The following SKAP1 variants were observed in gnomAD, a reference collection of about 807,000 sequenced individuals.
The protein encoded by SKAP1 is src kinase associated phosphoprotein 1, also known as src kinase-associated phosphoprotein 1.
Under a neutral mutation model 58.5 loss-of-function variants are expected in SKAP1, and 44 were observed. That is an observed-to-expected ratio of 0.75 (90% CI 0.59 to 0.97). The LOEUF (loss-of-function observed/expected upper bound fraction) is 0.97, where lower values mean the gene tolerates loss of function less well. SKAP1 is among the 50% of genes least tolerant of loss of function. SKAP1 has a pLI of 0.00. For synonymous variants in SKAP1, 127 were observed against 149.7 expected (o/e 0.85, Z 1.11); for missense variants, 390 against 435.2 (o/e 0.90, Z 0.92).
At chr17:48,406,429 G>T (rs1243876851) in intron 1 of SKAP1, among the ~76,000 whole-genome samples, 1 of 149,454 alleles carries the variant, frequency 6.7e-6, no homozygotes, top group African/African-American at 2.5e-5. Flanking sequence ...TTTGAGACAG[G>T]GTCTTGCCTT....
intron 11 of SKAP1, among the ~76,000 whole-genome samples, chr17:48,152,728 G>A (rs2063917239): frequency 1.3e-5 from 2 of 152,216 alleles, no homozygotes; most frequent in Non-Finnish European, 2.9e-5. Flanking sequence ...ACTCAGTGAT[G>A]AATATGGTTT....
rs142705957 is a variant in SKAP1, at chr17:48,364,111, G to A, written c.153-297C>T. Among the ~76,000 whole-genome samples the A allele has an allele frequency of 5.1e-4, 77 of 152,274 alleles. 1 individual carries two copies. Among genetic ancestry groups the A allele is most frequent in the Admixed American group, 1.3e-3 (20 of 15,282 alleles). Reference sequence around the variant, plus strand: ...TGGGGTTTCTCATCAAGAGCTCTACGGGCTTTCAGCAGGATGGTTCTTTGT... The same window carrying A: ...TGGGGTTTCTCATCAAGAGCTCTACAGGCTTTCAGCAGGATGGTTCTTTGT... On this transcript the variant is annotated intron_variant, in intron 2 of 12. Coordinates refer to ENST00000336915, the MANE Select transcript of SKAP1 (RefSeq NM_003726.4).
rs966771076 is a variant in SKAP1, at chr17:48,388,497, G to T, written c.152+8183C>A. On this transcript the variant is annotated intron_variant, in intron 2 of 12. Transcript: ENST00000336915. ...TTATATTATGAAAATTTTCAACTTTGCACAAAAGTTGAAAGAACACACATG... is the reference window on the plus strand; with the variant it reads ...TTATATTATGAAAATTTTCAACTTTTCACAAAAGTTGAAAGAACACACATG... 2.0e-5 allele frequency among the ~76,000 whole-genome samples: 3 copies of T among 152,082 alleles called. No homozygotes were observed. In the East Asian group the frequency reaches 5.8e-4, roughly 29 times the overall value.
intron 2 of SKAP1, among the ~76,000 whole-genome samples, chr17:48,386,838 T>C (rs561316382): frequency 1.1e-4 from 16 of 152,208 alleles, no homozygotes; most frequent in Admixed American, 3.3e-4. Flanking sequence ...CTATCTCATG[T>C]GATTAAATAC....
chr17:48,348,907 T>C (rs187094678), intron 3 of SKAP1, among the ~76,000 whole-genome samples: 2 of 152,326 alleles, frequency 1.3e-5, no homozygotes, highest in Admixed American at 6.5e-5. Flanking sequence ...TACAACTCAA[T>C]GCAGCAAAAC....
chr17:48,231,648 A>T (rs1360531831), intron 4 of SKAP1, among the ~76,000 whole-genome samples: 1 of 152,094 alleles, frequency 6.6e-6, no homozygotes, highest in African/African-American at 2.4e-5. Flanking sequence ...GAGTACTAGG[A>T]CCCACAAGCT....
rs2066805521 is a variant in SKAP1 at position 48,351,806 on chromosome 17, C to A, written c.179-5800G>T. 2.0e-5 allele frequency among the ~76,000 whole-genome samples: 3 copies of A among 152,232 alleles called. No individual in the cohort carries two copies. The South Asian group carries it at 6.2e-4, about 32-fold the overall frequency. On this transcript the variant is annotated intron_variant, in intron 3 of 12. Transcript: ENST00000336915. ...CACAAATGGAGCCAAATTGATTAGA[C>A]ACTCTTAGTATAATCACTATAACAA...
intron 3 of SKAP1, among the ~76,000 whole-genome samples, chr17:48,346,496 C>T (rs1037645729): frequency 1.3e-5 from 2 of 151,678 alleles, no homozygotes; most frequent in Middle Eastern, 3.2e-3. Context: ...TGGTGGTGGG[C>T]GCCTGTAATC....
chr17:48,146,551 C>T (rs1296957597), intron 11 of SKAP1, among the ~76,000 whole-genome samples: 5 of 151,472 alleles, frequency 3.3e-5, no homozygotes, highest in African/African-American at 1.2e-4. Context: ...TGCTGGATTT[C>T]ATGGGCTTCA....
intron 4 of SKAP1, among the ~76,000 whole-genome samples, chr17:48,201,020 T>C (rs890204267): frequency 2.0e-5 from 3 of 152,136 alleles, no homozygotes; most frequent in Non-Finnish European, 4.4e-5. Flanking sequence ...TTCGCTTAAG[T>C]CACAAACAGT....
At position 48,363,827 on chromosome 17, in the gene SKAP1, G is replaced by C; in HGVS notation, c.153-13C>G. ...ATCCCAATAGTACCTGAAATACAAG[G>C]GGGAAAAAAAAAGGGAATAAGTCAA... is the stretch of plus-strand genomic sequence containing the variant. On this transcript the variant is annotated splice_polypyrimidine_tract_variant and intron_variant, in intron 2 of 12. Transcript: ENST00000336915. The C allele has an allele frequency of 1.3e-6, 2 of 1,599,778 alleles. No individual in the cohort carries two copies. The highest frequency in any genetic ancestry group is 1.7e-6 in the Non-Finnish European group (2 of 1,173,676).
chr17:48,238,631 C>T (rs534013314), intron 4 of SKAP1, among the ~76,000 whole-genome samples: 6 of 152,194 alleles, frequency 3.9e-5, no homozygotes, highest in African/African-American at 1.4e-4. Context: ...CCTCAGCCTC[C>T]CAAAGTATTG....
rs186000313 is a variant in SKAP1 at position 48,232,436 on chromosome 17, T to C, written c.281-42936A>G. On this transcript the variant is annotated intron_variant, in intron 4 of 12. Transcript: ENST00000336915. Reference sequence around the variant, plus strand: ...ATTTACATGGGCACAAATATTTATATAATGATCACAAGTTTATTTACAGAA... The same window carrying C: ...ATTTACATGGGCACAAATATTTATACAATGATCACAAGTTTATTTACAGAA... 2.0e-5 allele frequency among the ~76,000 whole-genome samples: 3 copies of C among 152,364 alleles called. No individual in the cohort carries two copies. In the East Asian group the frequency reaches 5.8e-4, roughly 29 times the overall value.
intron 11 of SKAP1, among the ~76,000 whole-genome samples, chr17:48,161,204 A>G (rs1179245896): frequency 1.3e-5 from 2 of 152,214 alleles, no homozygotes; most frequent in Non-Finnish European, 2.9e-5. Flanking sequence ...ACCTTTGCCC[A>G]AGGTAGTAAA....
At chr17:48,202,870 G>T (rs9909933) in intron 4 of SKAP1, among the ~76,000 whole-genome samples, 41,431 of 152,166 alleles carry the variant, frequency 0.27, 6,377 homozygotes, top group African/African-American at 0.42. Context: ...ACTAGGCCCT[G>T]CCACATTCTG....
At chr17:48,419,373 C>T (rs985193921) in intron 1 of SKAP1, among the ~76,000 whole-genome samples, 11 of 151,856 alleles carry the variant, frequency 7.2e-5, no homozygotes, top group African/African-American at 2.4e-4. Flanking sequence ...CAACCTCCAA[C>T]TCCCGGGTTC....
At position 48,290,303 on chromosome 17, in the gene SKAP1, C is replaced by T. The variant is rs549627814; in HGVS notation, c.280+55602G>A. On this transcript the variant is annotated intron_variant, in intron 4 of 12. Coordinates refer to ENST00000336915, the MANE Select transcript of SKAP1 (RefSeq NM_003726.4). ...TAATGTTATTATCAGAGGAAAGAAA[C>T]AAAACCATTAAAAAATTATGTAACA... Among the ~76,000 whole-genome samples, 20 of 152,154 alleles carry T rather than the reference C, an allele frequency of 1.3e-4. No homozygotes were observed. The East Asian group carries it at 3.7e-3, about 28-fold the overall frequency.
At chr17:48,277,320 C>T (rs1333422710) in intron 4 of SKAP1, among the ~76,000 whole-genome samples, 2 of 152,124 alleles carry the variant, frequency 1.3e-5, no homozygotes, top group East Asian at 3.8e-4. Context: ...TATTTCATAC[C>T]TAATCTGTGC....
At chr17:48,295,047 T>G (rs1211565386) in intron 4 of SKAP1, among the ~76,000 whole-genome samples, 2 of 152,172 alleles carry the variant, frequency 1.3e-5, no homozygotes, top group Non-Finnish European at 2.9e-5. Context: ...AATGGCTATT[T>G]GTAAAAATTT....
Sources: gnomAD v4.1 joint callset for allele counts (sites outside exome capture counted in the v4.1 genomes callset) on GRCh38, gnomAD v4.1.1 for gene constraint, MANE v1.5 for transcripts, NCBI Gene and HGNC (gene_info 2026-07-23, HGNC 2026-07-21) for gene names.